The following CACNA2D3 variants were observed in gnomAD, a reference collection of about 807,000 sequenced individuals.
CACNA2D3 encodes the protein voltage-dependent calcium channel subunit alpha-2/delta-3.
CACNA2D3 carries 60 observed loss-of-function variants against 160.6 expected under a neutral mutation model. The observed-to-expected ratio is 0.37, with a 90% CI of 0.30 to 0.46. The LOEUF is 0.46. Ranked by LOEUF, CACNA2D3 falls within the 20% of genes least tolerant of loss-of-function variation. The pLI is 1.00. For synonymous variants in CACNA2D3, 558 were observed against 492.9 expected, an observed-to-expected ratio of 1.13 and a Z score of -1.75; for missense variants, 1,205 against 1,365.0, an observed-to-expected ratio of 0.88 and a Z score of 1.85.
At chr3:54,928,726 A>G (rs1701101143) in intron 27 of CACNA2D3, among the ~76,000 whole-genome samples, 2 of 139,246 alleles carry the variant, frequency 1.4e-5, no homozygotes, top group Admixed American at 1.5e-4. Flanking sequence ...CCAGCCCCCG[A>G]GTTGAATTGA....
At chr3:54,139,374 C>A (rs954692981) in intron 2 of CACNA2D3, among the ~76,000 whole-genome samples, 5 of 152,222 alleles carry the variant, frequency 3.3e-5, no homozygotes, top group African/African-American at 1.2e-4. Context: ...CTCACGCCTG[C>A]CCACGCTCTG....
chr3:54,424,415 C>T (rs1297309317), intron 4 of CACNA2D3, among the ~76,000 whole-genome samples: 1 of 152,212 alleles, frequency 6.6e-6, no homozygotes, highest in Non-Finnish European at 1.5e-5. Flanking sequence ...AAGGAGGCCA[C>T]AGAATCTGTT....
chr3:55,018,570 A>T lies in CACNA2D3; in HGVS notation c.2987+253A>T, dbSNP rs1703378301. ...AGGAGATTTGTAGGTCAGTTTGTTC[A>T]TGTTTTGAGAAAGTCTTAATTGGTG... is the stretch of plus-strand genomic sequence containing the variant. On this transcript the variant is annotated intron_variant, in intron 35 of 37. Transcript: ENST00000474759. Among the ~76,000 whole-genome samples, 3 of 152,186 alleles carry T rather than the reference A, an allele frequency of 2.0e-5. No individual in the cohort carries two copies. The South Asian group carries it at 6.2e-4, about 32-fold the overall frequency.
chr3:54,901,946 C>G (rs931430844), intron 27 of CACNA2D3, among the ~76,000 whole-genome samples: 2 of 152,124 alleles, frequency 1.3e-5, no homozygotes, highest in Non-Finnish European at 2.9e-5. Context: ...TGGTAACTTT[C>G]CTCTGTGTAT....
At chr3:54,546,304 A>G (rs1416069579) in intron 5 of CACNA2D3, among the ~76,000 whole-genome samples, 1 of 152,174 alleles carries the variant, frequency 6.6e-6, no homozygotes, top group Non-Finnish European at 1.5e-5. Context: ...TCATTTTTGT[A>G]GTTCCTTGGG....
At chr3:55,050,200 G>C (rs1024600409) in intron 35 of CACNA2D3, among the ~76,000 whole-genome samples, 3,989 of 149,570 alleles carry the variant, frequency 0.027, 182 homozygotes, top group African/African-American at 0.091. Context: ...TCCTAGTCTC[G>C]ATGGTCTTTA....
At chr3:54,132,522 T>G (rs1025913693) in intron 2 of CACNA2D3, among the ~76,000 whole-genome samples, 1 of 152,224 alleles carries the variant, frequency 6.6e-6, no homozygotes, top group African/African-American at 2.4e-5. Flanking sequence ...GGCTCACAGC[T>G]CACTAATCTT....
At chr3:54,292,476 A>G (rs1279019616) in intron 2 of CACNA2D3, among the ~76,000 whole-genome samples, 6 of 152,222 alleles carry the variant, frequency 3.9e-5, no homozygotes, top group Non-Finnish European at 5.9e-5. Context: ...TTACAGCTCA[A>G]TAATAAAAAG....
At chr3:54,948,675 A>C (rs952427866) in intron 27 of CACNA2D3, among the ~76,000 whole-genome samples, 1 of 152,210 alleles carries the variant, frequency 6.6e-6, no homozygotes, top group Non-Finnish European at 1.5e-5. Context: ...GAAGGGCACC[A>C]TTCATGCCAC....
At chr3:54,554,627 G>A (rs770334046) in intron 5 of CACNA2D3, among the ~76,000 whole-genome samples, 6 of 151,938 alleles carry the variant, frequency 3.9e-5, no homozygotes, top group Non-Finnish European at 7.4e-5. Flanking sequence ...AGGAAGAGCC[G>A]CTCTCATCTG....
chr3:54,513,285 T>C (rs1208169634), intron 5 of CACNA2D3, among the ~76,000 whole-genome samples: 1 of 152,206 alleles, frequency 6.6e-6, no homozygotes, highest in Non-Finnish European at 1.5e-5. Context: ...TCCAAGCTGA[T>C]GGAAACTTCT....
chr3:54,488,723 A>G (rs1323297675), intron 4 of CACNA2D3, among the ~76,000 whole-genome samples: 1 of 152,096 alleles, frequency 6.6e-6, no homozygotes, highest in Non-Finnish European at 1.5e-5. Flanking sequence ...TGTATTAGAT[A>G]CCGAGATTAC....
rs35084465 is a variant in CACNA2D3 at position 54,590,597 on chromosome 3, C to CTTATTATTA, written c.963+8735_963+8743dup. ...CAGGTAAAGAATGTGTGGCATTTCT[C>CTTATTATTA]TTATTATTATTATTATTATTATTTT... On this transcript the variant is annotated intron_variant, in intron 9 of 37. Transcript: ENST00000474759. Among the ~76,000 whole-genome samples the CTTATTATTA allele has an allele frequency of 1.0e-2, 1,492 of 149,212 alleles. 10 individuals carry two copies. The highest frequency in any genetic ancestry group is 0.012 in the Non-Finnish European group (842 of 67,464).
intron 4 of CACNA2D3, among the ~76,000 whole-genome samples, chr3:54,468,326 G>A (rs547570339): frequency 1.9e-4 from 29 of 152,342 alleles, no homozygotes; most frequent in African/African-American, 6.7e-4. Flanking sequence ...GGAAGTGCAA[G>A]GGGTTGGGGA....
At chr3:54,711,706 G>C (rs1441251478) in intron 11 of CACNA2D3, among the ~76,000 whole-genome samples, 3 of 152,202 alleles carry the variant, frequency 2.0e-5, no homozygotes, top group Non-Finnish European at 4.4e-5. Context: ...TGGATATCTG[G>C]ACAAAGTTGG....
intron 11 of CACNA2D3, among the ~76,000 whole-genome samples, chr3:54,661,477 A>G (rs753753192): frequency 1.6e-4 from 24 of 152,118 alleles, no homozygotes; most frequent in Non-Finnish European, 1.5e-5. Context: ...TCGTCTCCAC[A>G]GAATAATTAC....
At chr3:54,206,317 A>G (rs9852479) in intron 2 of CACNA2D3, among the ~76,000 whole-genome samples, 7,240 of 152,214 alleles carry the variant, frequency 0.048, 521 homozygotes, top group African/African-American at 0.16. Flanking sequence ...CTCTGTCTGT[A>G]TGCTCGGGGA....
intron 3 of CACNA2D3, among the ~76,000 whole-genome samples, chr3:54,376,576 A>C (rs1699015842): frequency 6.6e-6 from 1 of 152,018 alleles, no homozygotes; most frequent in Non-Finnish European, 1.5e-5. Flanking sequence ...TGGCCCTCCT[A>C]TTGTAGCCCA....
chr3:54,406,749 T>C (rs1223061541), intron 4 of CACNA2D3, among the ~76,000 whole-genome samples: 1 of 152,018 alleles, frequency 6.6e-6, no homozygotes, highest in African/African-American at 2.4e-5. Flanking sequence ...ATGTGCAACA[T>C]GAGAACTATA....
Sources: allele counts gnomAD v4.1 joint callset (sites outside exome capture counted in the v4.1 genomes callset), GRCh38; gene constraint gnomAD v4.1.1; transcripts MANE v1.5; gene names NCBI Gene and HGNC (gene_info 2026-07-23, HGNC 2026-07-21).